The following CLCNKA variants were observed in gnomAD, a reference collection of about 807,000 sequenced individuals.
CLCNKA encodes the protein chloride channel protein ClC-Ka.
A neutral mutation model predicts 83.3 loss-of-function variants in CLCNKA; 66 were observed. That is an observed-to-expected ratio of 0.79 (90% confidence interval 0.65 to 0.97). The LOEUF is 0.97. CLCNKA is among the 50% of genes least tolerant of loss of function. CLCNKA has a pLI of 0.00. For synonymous variants in CLCNKA, 357 were observed against 370.4 expected (o/e 0.96, Z 0.42); for missense variants, 806 against 888.7 (o/e 0.91, Z 1.18).
Position 16,026,682 on chromosome 1 carries a change from A to G in CLCNKA, c.577-15A>G, listed in dbSNP as rs766923963. 2 of 1,613,546 alleles carry G rather than the reference A, an allele frequency of 1.2e-6. No individual in the cohort carries two copies. The highest frequency in any genetic ancestry group is 1.7e-4 in the Middle Eastern group (1 of 5,942). On this transcript the variant is annotated splice_polypyrimidine_tract_variant and intron_variant, in intron 6 of 19. Transcript: ENST00000331433. Reference sequence around the variant, plus strand: ...GGAGGGGGCTGACTCTGAGCCCTGGACTCGGATCCCCCAGAACAAGAGCAA... The same window carrying G: ...GGAGGGGGCTGACTCTGAGCCCTGGGCTCGGATCCCCCAGAACAAGAGCAA...
rs760898358 is a variant in CLCNKA, at chr1:16,027,419, C to G, written c.765C>G (p.Val255=). 13 of 1,613,920 alleles carry G rather than the reference C, an allele frequency of 8.1e-6. No homozygotes were observed. In the East Asian group the frequency reaches 2.7e-4, roughly 33 times the overall value. The change falls in exon 8 of 20, where the codon GTC becomes GTG. Residue 255 remains valine (V), a synonymous_variant. Transcript: ENST00000331433. ...CCTTCATATTCCGGCTCCTGGCAGT[C>G]TTCAACAGCGAGCAGGGTGAGCCCC... ...CGAFIFRLLA[V]FNSEQETITS...
At chr1:16,024,678 C>G in intron 3 of CLCNKA, 85 bp from the exon 4 acceptor site, 6 of 1,578,838 alleles carry the variant, frequency 3.8e-6, no homozygotes, top group Non-Finnish European at 4.3e-6. Flanking sequence ...GACTCCATTT[C>G]CTGGTCAGTA....
At position 16,023,842 on chromosome 1, in the gene CLCNKA, A is replaced by G; in HGVS notation, c.143A>G (p.Glu48Gly). Residue 48 changes from glutamate (E) to glycine (G), a missense_variant, in exon 3 of 20, where the codon GAA becomes GGA. Coordinates refer to ENST00000331433, the MANE Select transcript of CLCNKA (RefSeq NM_004070.4). ...WLKQKVFRLG[E>G]DWYFLMTLGV... ...AAGCAGAAGGTGTTCCGCCTGGGAG[A>G]AGACTGGTACTTCCTGATGACCCTC... 6.2e-7 allele frequency: 1 copy of G among 1,614,054 alleles called. No individual in the cohort carries two copies. The highest frequency in any genetic ancestry group is 8.5e-7 in the Non-Finnish European group (1 of 1,179,982).
intron 2 of CLCNKA, 51 bp downstream of exon 2, chr1:16,022,770 T>G: frequency 7.7e-7 from 1 of 1,296,522 alleles, no homozygotes; most frequent in East Asian, 2.6e-5. Context: ...CAGGACATCA[T>G]TCCTGCCTGG....
Position 16,022,603 on chromosome 1 carries a change from G to C in CLCNKA, c.-7-10G>C, listed in dbSNP as rs780420896. 4 of 1,549,882 alleles carry C rather than the reference G, an allele frequency of 2.6e-6. No homozygotes were observed. Among genetic ancestry groups the C allele is most frequent in the East Asian group, 4.8e-5 (2 of 41,756 alleles). ...CTCACCCGGGTCCTTCCCTCCATCT[G>C]CTTCTCCAGGGGCCTGATGGAGGAG... On this transcript the variant is annotated splice_polypyrimidine_tract_variant and intron_variant, in intron 1 of 19. Coordinates refer to ENST00000331433, the MANE Select transcript of CLCNKA (RefSeq NM_004070.4).
At chr1:16,023,229 C>T (rs2022211401) in intron 2 of CLCNKA, among the ~76,000 whole-genome samples, 1 of 152,232 alleles carries the variant, frequency 6.6e-6, no homozygotes, top group Non-Finnish European at 1.5e-5. Context: ...CCAGGCTGGG[C>T]TGCAGCCAGC....
At chr1:16,022,793 C>T in intron 2 of CLCNKA, 74 bp downstream of exon 2, 8 of 1,100,662 alleles carry the variant, frequency 7.3e-6, no homozygotes, top group Non-Finnish European at 1.0e-5. Flanking sequence ...CCCACCCCAC[C>T]TCTCTGCCCA....
At position 16,028,910 on chromosome 1, in the gene CLCNKA, T is replaced by C; in HGVS notation, c.1053+65T>C. On this transcript the variant is annotated intron_variant, in intron 11 of 19. Transcript: ENST00000331433. ...CCATTTGTTTTCCCCTTTGCATGTG[T>C]CTCACGTAATACCCTCAGCACCCCA... 2.5e-6 allele frequency: 4 copies of C among 1,571,418 alleles called. No individual in the cohort carries two copies. In the South Asian group the frequency reaches 3.3e-5, roughly 13 times the overall value.
Position 16,027,357 on chromosome 1 carries a change from G to A in CLCNKA, c.703G>A (p.Asp235Asn), listed in dbSNP as rs369822948. ...CATGTCTTCCCACTTCTCTGTCCGG[G>A]ATTACTGGAGGGGCTTCTTTGCGGC... ...EVMSSHFSVRDYWRGFFAATC... is the reference protein window; with the variant it reads ...EVMSSHFSVRNYWRGFFAATC... Residue 235 changes from aspartate (D) to asparagine (N), a missense_variant, in exon 8 of 20, where the codon GAT (aspartate) becomes AAT (asparagine). Asp to Asn is a conservative substitution (Grantham distance 23). Transcript: ENST00000331433. 6.2e-7 allele frequency: 1 copy of A among 1,613,588 alleles called. No individual in the cohort carries two copies. Among genetic ancestry groups the A allele is most frequent in the African/African-American group, 1.3e-5 (1 of 74,910 alleles).
In CLCNKA at chr1:16,033,179, C is replaced by T. The variant is rs528421254; in HGVS notation, c.1939C>T (p.Leu647Phe). The change falls in exon 19 of 20, where the codon CTC becomes TTC. Residue 647 changes from leucine (L) to phenylalanine (F), a missense_variant. By Grantham distance (22) the Leu-to-Phe change is conservative. Coordinates refer to ENST00000331433, the MANE Select transcript of CLCNKA (RefSeq NM_004070.4). ...SETTLHQAQN[L>F]FKLLNLQSLF... is the part of the protein sequence containing the mutation. ...ACAATCCCCCATCCAGGCACAAAAC[C>T]TCTTTAAGCTGTTGAACCTTCAGTC... is the stretch of plus-strand genomic sequence containing the variant. 885 of 1,614,158 alleles carry T rather than the reference C, an allele frequency of 5.5e-4. 16 individuals carry two copies. In the South Asian group the frequency reaches 7.8e-3, roughly 14 times the overall value.
chr1:16,026,034 G>A (rs767773768), intron 4 of CLCNKA, 74 bp from the exon 5 acceptor site: 62 of 1,600,196 alleles, frequency 3.9e-5, no homozygotes, highest in Admixed American at 1.0e-4. Context: ...GATTACAGGC[G>A]TGAGCCACTG....
At chr1:16,030,756 A>T in intron 15 of CLCNKA, 82 bp downstream of exon 15, 4 of 1,572,892 alleles carry the variant, frequency 2.5e-6, no homozygotes, top group Non-Finnish European at 3.5e-6. Context: ...CTCCAAAAAG[A>T]AACACCACCG....
Position 16,027,425 on chromosome 1 carries a change from C to T in CLCNKA, c.771C>T (p.Asn257=). The T allele has an allele frequency of 6.2e-7, 1 of 1,613,970 alleles. No individual in the cohort carries two copies. Among genetic ancestry groups the T allele is most frequent in the Non-Finnish European group, 8.5e-7 (1 of 1,179,970 alleles). ...TATTCCGGCTCCTGGCAGTCTTCAA[C>T]AGCGAGCAGGGTGAGCCCCCTGGGC... is the stretch of plus-strand genomic sequence containing the variant. ...AFIFRLLAVF[N]SEQETITSLY... The change falls in exon 8 of 20, where the codon AAC becomes AAT. Residue 257 remains asparagine (N), a synonymous_variant. Coordinates refer to ENST00000331433, the MANE Select transcript of CLCNKA (RefSeq NM_004070.4).
chr1:16,032,570 G>A, intron 18 of CLCNKA, 44 bp downstream of exon 18: 2 of 1,454,968 alleles, frequency 1.4e-6, no homozygotes, highest in Non-Finnish European at 1.9e-6. Flanking sequence ...CCCCGGGGCA[G>A]GGCAAGAGCT....
intron 10 of CLCNKA, 99 bp from the exon 11 acceptor site, chr1:16,028,662 G>C (rs1355922809): frequency 3.5e-6 from 5 of 1,439,292 alleles, no homozygotes; most frequent in Non-Finnish European, 4.9e-6. Flanking sequence ...TCAGCCCCCA[G>C]GTGGGGAGCT....
rs748233560 is a variant in CLCNKA at position 16,032,259 on chromosome 1, G to C, written c.1813G>C (p.Ala605Pro). Residue 605 changes from alanine to proline, a missense_variant, in exon 17 of 20, where the codon GCT becomes CCT. Coordinates refer to ENST00000331433, the MANE Select transcript of CLCNKA (RefSeq NM_004070.4). ...GGCCCAGCTGGTGCAGGCCCTCCAG[G>C]CTGAGCCTCCTTCCAGGGCTCCAGG... is the stretch of plus-strand genomic sequence containing the variant. The part of the protein sequence containing the change: ...QRAQLVQALQ[A>P]EPPSRAPGHQ... 20 of 1,612,282 alleles carry C rather than the reference G, an allele frequency of 1.2e-5. No homozygotes were observed. The South Asian group carries it at 1.9e-4, about 15-fold the overall frequency.
chr1:16,027,082 A>G (rs946610400), intron 7 of CLCNKA, among the ~76,000 whole-genome samples: 1 of 152,148 alleles, frequency 6.6e-6, no homozygotes, highest in African/African-American at 2.4e-5. Context: ...AACCGTTCCC[A>G]CCCGATAGGG....
Position 16,026,168 on chromosome 1 carries a change from A to G in CLCNKA, c.419A>G (p.Asp140Gly), listed in dbSNP as rs773130750. Reference sequence around the variant, plus strand: ...GGTGTGATCTTGGAGGACTACCTGGATATCAAGAACTTTGGGGCCAAGGTG... The same window carrying G: ...GGTGTGATCTTGGAGGACTACCTGGGTATCAAGAACTTTGGGGCCAAGGTG... The part of the protein sequence containing the change: ...LAGVILEDYL[D>G]IKNFGAKVVG... Residue 140 changes from aspartate to glycine, a missense_variant, in exon 5 of 20, where the codon GAT becomes GGT. By Grantham distance (94) the Asp-to-Gly change is moderately conservative. Transcript: ENST00000331433. The G allele has an allele frequency of 2.2e-5, 36 of 1,613,680 alleles. No individual in the cohort carries two copies. The highest frequency in any genetic ancestry group is 3.0e-5 in the Non-Finnish European group (35 of 1,180,022).
chr1:16,025,746 T>TTTTG (rs547951849), intron 4 of CLCNKA, among the ~76,000 whole-genome samples: 4 of 152,296 alleles, frequency 2.6e-5, no homozygotes, highest in East Asian at 1.9e-4. Flanking sequence ...TGAGAGTTTT[T>TTTTG]TTTGTTTGTT....
Sources: allele counts gnomAD v4.1 joint callset (sites outside exome capture counted in the v4.1 genomes callset), GRCh38; gene constraint gnomAD v4.1.1; transcripts MANE v1.5; gene names NCBI Gene and HGNC (gene_info 2026-07-23, HGNC 2026-07-21).